ZC3H18: variants seen among roughly 807,000 people sequenced by gnomAD.
ZC3H18 encodes zinc finger CCCH-type containing 18, also known as zinc finger CCCH domain-containing protein 18.
ZC3H18 carries 8 observed loss-of-function variants against 106.1 expected under a neutral mutation model. That is an observed-to-expected ratio of 0.08 (90% confidence interval 0.04 to 0.14). The LOEUF (loss-of-function observed/expected upper bound fraction) is 0.14, where lower values mean the gene tolerates loss of function less well. Among genes scored for constraint, ZC3H18 ranks in the 10% least tolerant of loss-of-function variants. ZC3H18 has a pLI of 1.00. For missense variants in ZC3H18, 1,318 were observed against 1,278.4 expected, an observed-to-expected ratio of 1.03 and a Z score of -0.47; for synonymous variants, 635 against 522.1, an observed-to-expected ratio of 1.22 and a Z score of -2.95.
intron 1 of ZC3H18, among the ~76,000 whole-genome samples, chr16:88,574,667 ATTTTTTTT>A (rs35816940): frequency 3.8e-5 from 3 of 79,848 alleles, no homozygotes; most frequent in African/African-American, 6.1e-5. Context: ...CACCCAGCTA[ATTTTTTTT>A]TTTTTTTTTT....
intron 7 of ZC3H18, 186 bp downstream of exon 7, chr16:88,609,237 A>G: frequency 2.5e-6 from 1 of 404,720 alleles, no homozygotes; most frequent in Non-Finnish European, 4.5e-6. Flanking sequence ...ATTAATGGTC[A>G]TTTGAACAAA....
intron 16 of ZC3H18, among the ~76,000 whole-genome samples, chr16:88,629,720 C>A (rs1254551729): frequency 6.6e-6 from 1 of 152,194 alleles, no homozygotes; most frequent in Non-Finnish European, 1.5e-5. Context: ...GCCATGCTGA[C>A]CACACCCCAA....
intron 6 of ZC3H18, among the ~76,000 whole-genome samples, chr16:88,601,606 C>G (rs978487741): frequency 1.3e-5 from 2 of 152,058 alleles, no homozygotes; most frequent in African/African-American, 4.8e-5. Context: ...GAAGCTGGCT[C>G]CTGGCTCCCT....
Position 88,628,836 on chromosome 16 carries a change from A to G in ZC3H18, c.2548A>G (p.Asn850Asp). The G allele has an allele frequency of 6.2e-7, 1 of 1,614,056 alleles. No homozygotes were observed. Among genetic ancestry groups the G allele is most frequent in the East Asian group, 2.2e-5 (1 of 44,872 alleles). The change falls in exon 16 of 18, where the codon AAC (asparagine) becomes GAC (aspartate). Residue 850 changes from asparagine to aspartate, a missense_variant. Physicochemically the swap from Asn to Asp is conservative, Grantham distance 23. Around this residue, in one of 6 missense-constraint regions of ZC3H18, gnomAD observed 848 missense variants for 821.7 expected, o/e 1.03. Transcript: ENST00000301011. ...RQSPPPAKRP[N>D]TSPDRGSRDR... ...GAGCCCTCCTCCAGCCAAGCGGCCCAACACATCCCCAGACCGAGGTGAGCC... is the reference window on the plus strand; with the variant it reads ...GAGCCCTCCTCCAGCCAAGCGGCCCGACACATCCCCAGACCGAGGTGAGCC...
At chr16:88,576,370 T>G (rs899111310) in intron 1 of ZC3H18, among the ~76,000 whole-genome samples, 1 of 152,146 alleles carries the variant, frequency 6.6e-6, no homozygotes, top group African/African-American at 2.4e-5. Flanking sequence ...CGCGCGGTAC[T>G]TAAGTGTGTC....
At chr16:88,592,963 T>G (rs1375456777) in intron 3 of ZC3H18, among the ~76,000 whole-genome samples, 3 of 152,260 alleles carry the variant, frequency 2.0e-5, no homozygotes, top group Non-Finnish European at 4.4e-5. Context: ...TGACCCATTT[T>G]AAGTGTACAG....
Position 88,623,520 on chromosome 16 carries a change from G to C in ZC3H18, c.1793+176G>C, listed in dbSNP as rs1304625111. On this transcript the variant is annotated intron_variant, in intron 10 of 17. Transcript: ENST00000301011. ...GTGTCCCCCACCAAACACCAGCCTT[G>C]CGGGCCCTCGTCCTTGTGTAGATGC... The C allele has an allele frequency of 4.9e-6, 4 of 824,022 alleles. No individual in the cohort carries two copies. In the Admixed American group the frequency reaches 1.2e-4, roughly 24 times the overall value. 51.0% of individuals were successfully genotyped at this position (824,022 alleles called of 1,614,324 possible). A position where few individuals can be genotyped will look rare whatever the true frequency, so the allele number is the denominator to read the frequency against.
At chr16:88,623,366 AG>A in intron 10 of ZC3H18, 22 bp downstream of exon 10, 1 of 1,610,974 alleles carries the variant, frequency 6.2e-7, no homozygotes. Flanking sequence ...GGGCCCATGA[AG>A]GGCCCTCAGC....
chr16:88,612,985 A>C (rs1905357870), intron 8 of ZC3H18, among the ~76,000 whole-genome samples: 1 of 152,198 alleles, frequency 6.6e-6, no homozygotes, highest in Non-Finnish European at 1.5e-5. Context: ...CCTGGGTAAT[A>C]GAGCAAGATT....
At chr16:88,604,894 TGGCCAGGGCCATGGACTGGG>T (rs932845840) in intron 6 of ZC3H18, among the ~76,000 whole-genome samples, 3 of 152,004 alleles carry the variant, frequency 2.0e-5, no homozygotes, top group African/African-American at 7.2e-5. Flanking sequence ...TGTCAGGCCA[TGGCCAGGGCCATGGACTGGG>T]CCCCTGCCAA....
intron 9 of ZC3H18, 114 bp downstream of exon 9, chr16:88,622,502 G>A: frequency 2.5e-6 from 3 of 1,200,786 alleles, no homozygotes; most frequent in Non-Finnish European, 3.4e-6. Flanking sequence ...TTGCTGTGGC[G>A]TCGTTACCTG....
intron 3 of ZC3H18, among the ~76,000 whole-genome samples, chr16:88,590,970 ACTT>A (rs1567582757): frequency 7.8e-6 from 1 of 128,834 alleles, no homozygotes; most frequent in Non-Finnish European, 1.6e-5. Context: ...GTGGTGGAAT[ACTT>A]TTTTTTTTTT....
intron 6 of ZC3H18, among the ~76,000 whole-genome samples, chr16:88,607,867 C>G (rs555138323): frequency 6.6e-6 from 1 of 152,228 alleles, no homozygotes; most frequent in Non-Finnish European, 1.5e-5. Context: ...CCCACTTATT[C>G]ACACACACTT....
At chr16:88,597,984 G>C (rs1005362861) in intron 3 of ZC3H18, among the ~76,000 whole-genome samples, 194 bp from the exon 4 acceptor site, 1 of 152,214 alleles carries the variant, frequency 6.6e-6, no homozygotes, top group African/African-American at 2.4e-5. Flanking sequence ...CCGTGCCTGG[G>C]CAGGTGCAGC....
intron 13 of ZC3H18, chr16:88,625,838 A>ATTTTTTTTTTTTTTTTTTTTTTTTTT (rs1175357328): frequency 9.6e-6 from 1 of 104,468 alleles, no homozygotes. Flanking sequence ...ACAGAAAAAG[A>ATTTTTTTTTTTTTTTTTTTTTTTTTT]TTTTTTTTTT....
At chr16:88,599,711 G>C in intron 5 of ZC3H18, 80 bp from the exon 6 acceptor site, 1 of 1,509,892 alleles carries the variant, frequency 6.6e-7, no homozygotes, top group South Asian at 1.3e-5. Flanking sequence ...GCGGTCGGGT[G>C]GGACGGCTCC....
At chr16:88,578,713 G>C (rs1914917923) in intron 2 of ZC3H18, among the ~76,000 whole-genome samples, 1 of 151,788 alleles carries the variant, frequency 6.6e-6, no homozygotes, top group Non-Finnish European at 1.5e-5. Context: ...TTTTTTGAGA[G>C]AGAGAGTCTA....
intron 8 of ZC3H18, among the ~76,000 whole-genome samples, chr16:88,616,175 G>A (rs1905590018): frequency 1.3e-5 from 2 of 152,226 alleles, no homozygotes; most frequent in South Asian, 4.1e-4. Context: ...ACTGGGAGGT[G>A]CTCAGACGTT....
At chr16:88,585,259 C>T (rs901711785) in intron 2 of ZC3H18, among the ~76,000 whole-genome samples, 1 of 152,184 alleles carries the variant, frequency 6.6e-6, no homozygotes, top group African/African-American at 2.4e-5. Context: ...TTTTTAATAA[C>T]CAGATATCTT....
Sources: gnomAD v4.1 joint callset for allele counts (sites outside exome capture counted in the v4.1 genomes callset) on GRCh38, gnomAD v4.1.1 for gene constraint, gnomAD v4.1.1 regional missense constraint, MANE v1.5 for transcripts, NCBI Gene and HGNC (gene_info 2026-07-23, HGNC 2026-07-21) for gene names.